Variants in INPP4B observed in about 807,000 individuals in gnomAD.
The protein encoded by INPP4B is inositol polyphosphate-4-phosphatase type II B.
INPP4B carries 55 observed loss-of-function variants against 122.5 expected under a neutral mutation model. The observed-to-expected ratio is 0.45, with a 90% CI of 0.36 to 0.56. INPP4B has a LOEUF of 0.56. Among genes scored for constraint, INPP4B ranks in the 20% least tolerant of loss-of-function variants. INPP4B has a pLI of 0.00. For missense variants in INPP4B, 1,000 were observed against 1,097.7 expected (o/e 0.91, Z 1.26); for synonymous variants, 403 against 388.7 (o/e 1.04, Z -0.43).
At chr4:142,756,729 T>C (rs934412512) in intron 1 of INPP4B, among the ~76,000 whole-genome samples, 1 of 152,148 alleles carries the variant, frequency 6.6e-6, no homozygotes, top group Non-Finnish European at 1.5e-5. Context: ...TAATAGCTTT[T>C]GTAAAATTTA....
At chr4:142,837,159 A>AAATAATAATAATAAT (rs150797757) in intron 1 of INPP4B, among the ~76,000 whole-genome samples, 2,171 of 149,042 alleles carry the variant, frequency 0.015, 58 homozygotes, top group African/African-American at 0.053. Flanking sequence ...ACAGTCTCAA[A>AAATAATAATAATAAT]AATAATAATA....
intron 25 of INPP4B, among the ~76,000 whole-genome samples, chr4:142,076,681 T>C (rs1025343072): frequency 1.1e-4 from 16 of 152,084 alleles, no homozygotes; most frequent in African/African-American, 3.6e-4. Context: ...ACATGGCACA[T>C]GTATACATAT....
Position 142,160,463 on chromosome 4 carries a change from G to T in INPP4B, c.1458C>A (p.Pro486=). The T allele has an allele frequency of 1.9e-6, 3 of 1,612,636 alleles. No homozygotes were observed. The South Asian group carries it at 3.3e-5, about 18-fold the overall frequency. The part of the protein sequence containing the change: ...ARPGGILKKP[P]SPKSSTEESS... ...TCTCCTCTGTGCTGCTCTTAGGAGA[G>T]GGTGGCTTCTTAAGAATGCCTCCTG... The change falls in exon 17 of 26, where the codon CCC becomes CCA. Residue 486 remains proline (P), a synonymous_variant. Transcript: ENST00000262992.
intron 2 of INPP4B, among the ~76,000 whole-genome samples, chr4:142,617,446 C>A (rs1037325387): frequency 5.3e-5 from 8 of 152,058 alleles, no homozygotes; most frequent in Non-Finnish European, 2.9e-5. Flanking sequence ...TTGCTTGCTG[C>A]TCAGAATATA....
At chr4:142,415,538 CT>C (rs1805522708) in intron 5 of INPP4B, among the ~76,000 whole-genome samples, 1 of 151,934 alleles carries the variant, frequency 6.6e-6, no homozygotes, top group African/African-American at 2.4e-5. Flanking sequence ...AATAGGAACA[CT>C]TTTACACTGT....
chr4:142,480,410 A>G (rs958676378), intron 2 of INPP4B, among the ~76,000 whole-genome samples: 8 of 152,168 alleles, frequency 5.3e-5, no homozygotes, highest in African/African-American at 1.7e-4. Context: ...CAGGTCACTT[A>G]GTCACACTCA....
At chr4:142,195,155 G>A (rs1384330730) in intron 14 of INPP4B, among the ~76,000 whole-genome samples, 4 of 152,206 alleles carry the variant, frequency 2.6e-5, no homozygotes, top group African/African-American at 9.6e-5. Flanking sequence ...CAAAACGAAT[G>A]AGCCTGGAGA....
At chr4:142,164,169 T>C (rs1821531555) in intron 16 of INPP4B, among the ~76,000 whole-genome samples, 1 of 151,872 alleles carries the variant, frequency 6.6e-6, no homozygotes, top group South Asian at 2.1e-4. Flanking sequence ...ATAAAACTAC[T>C]AAAAATTACT....
intron 2 of INPP4B, among the ~76,000 whole-genome samples, chr4:142,493,449 T>G (rs565578705): frequency 1.3e-5 from 2 of 152,284 alleles, no homozygotes; most frequent in African/African-American, 4.8e-5. Context: ...AAGCAGCCAG[T>G]AGGGGAGCTG....
chr4:142,600,394 G>A (rs528137610), intron 2 of INPP4B, among the ~76,000 whole-genome samples: 1 of 152,184 alleles, frequency 6.6e-6, no homozygotes, highest in Admixed American at 6.5e-5. Context: ...CACATAAAAA[G>A]AAATACTCTT....
intron 11 of INPP4B, among the ~76,000 whole-genome samples, chr4:142,254,917 T>G (rs1457764903): frequency 6.6e-6 from 1 of 151,104 alleles, no homozygotes; most frequent in Non-Finnish European, 1.5e-5. Flanking sequence ...TTCACCAAAG[T>G]GGAAATGAAG....
chr4:142,227,166 T>G (rs1465506987), intron 12 of INPP4B, among the ~76,000 whole-genome samples: 1 of 152,042 alleles, frequency 6.6e-6, no homozygotes, highest in Non-Finnish European at 1.5e-5. Context: ...GCTGGGATAC[T>G]TAGAACCAAG....
At chr4:142,553,973 G>A (rs914174356) in intron 2 of INPP4B, among the ~76,000 whole-genome samples, 15 of 152,146 alleles carry the variant, frequency 9.9e-5, no homozygotes, top group Admixed American at 3.3e-4. Context: ...GGCAGATCAC[G>A]AGGTCAGGAG....
rs1339274004 is a variant in INPP4B, at chr4:142,308,571, T to C, written c.424-3034A>G. 5.9e-5 allele frequency among the ~76,000 whole-genome samples: 9 copies of C among 152,256 alleles called. No individual in the cohort carries two copies. In the East Asian group the frequency reaches 1.7e-3, roughly 29 times the overall value. On this transcript the variant is annotated intron_variant, in intron 8 of 25. Coordinates refer to ENST00000262992, the MANE Select transcript of INPP4B (RefSeq NM_001101669.3). The stretch of plus-strand genomic sequence containing the variant: ...CCTCAAAGTTAGAAAATAAATCTTT[T>C]ATCTATGTGAATACTCACTGAACAC...
At chr4:142,108,051 CAAG>C in intron 23 of INPP4B, 39 bp downstream of exon 23, 1 of 1,006,566 alleles carries the variant, frequency 9.9e-7, no homozygotes. Flanking sequence ...GATTTATAAT[CAAG>C]AAGCTATTAT....
Position 142,846,220 on chromosome 4 carries a change from G to A in INPP4B, c.-265C>T, listed in dbSNP as rs1349181561. ...AGGCGGGTAATTACCTCTCCCGGAG[G>A]CGGAGTGGGGGGCGGCAGCAGCAGC... On this transcript the variant is annotated 5_prime_UTR_variant, in exon 1 of 26. Transcript: ENST00000262992. This position sits in a 1 kb window ranked among gnomAD's most constrained non-coding sequence, Gnocchi z 5.1. 6.6e-6 allele frequency: 1 copy of A among 152,520 alleles called. No individual in the cohort carries two copies. The highest frequency in any genetic ancestry group is 1.5e-5 in the Non-Finnish European group (1 of 68,410). 9.4% of individuals were successfully genotyped at this position (152,520 alleles called of 1,614,324 possible). A position where few individuals can be genotyped will look rare whatever the true frequency, so the allele number is the denominator to read the frequency against.
At position 142,055,551 on chromosome 4, in the gene INPP4B, G is replaced by A. The variant is rs186097143; in HGVS notation, c.2642+26480C>T. Among the ~76,000 whole-genome samples the A allele has an allele frequency of 3.3e-5, 5 of 152,244 alleles. No individual in the cohort carries two copies. The East Asian group carries it at 9.7e-4, about 29-fold the overall frequency. On this transcript the variant is annotated intron_variant, in intron 25 of 25. Transcript: ENST00000262992. ...ATTACTACAAAAGTGAAATTAAGCAGATGTTTGAGTTAACTCAAAGGACTT... is the reference window on the plus strand; with the variant it reads ...ATTACTACAAAAGTGAAATTAAGCAAATGTTTGAGTTAACTCAAAGGACTT...
At chr4:142,602,133 CTCAGGATAAAAAAA>C (rs1281184395) in intron 2 of INPP4B, among the ~76,000 whole-genome samples, 1 of 151,964 alleles carries the variant, frequency 6.6e-6, no homozygotes, top group African/African-American at 2.4e-5. Context: ...TCAGCAAAGT[CTCAGGATAAAAAAA>C]TCAATGTGCA....
intron 9 of INPP4B, among the ~76,000 whole-genome samples, chr4:142,289,732 T>C (rs980159461): frequency 6.6e-6 from 1 of 152,206 alleles, no homozygotes. Context: ...TATGGCTGTA[T>C]AGTACTCCAT....
Sources: allele counts gnomAD v4.1 joint callset (sites outside exome capture counted in the v4.1 genomes callset), GRCh38; gene constraint gnomAD v4.1.1; non-coding constraint Gnocchi (gnomAD v3.1); transcripts MANE v1.5; gene names NCBI Gene and HGNC (gene_info 2026-07-23, HGNC 2026-07-21).